Variants in TACR3 observed in about 807,000 individuals in gnomAD.
TACR3 encodes the protein tachykinin receptor 3, also known as neuromedin-K receptor.
TACR3 carries 34 observed loss-of-function variants against 35.0 expected under a neutral mutation model. The ratio of observed to expected loss-of-function variants is 0.97; its 90% confidence interval spans 0.74 to 1.30. The LOEUF (loss-of-function observed/expected upper bound fraction) is 1.30, where lower values mean the gene tolerates loss of function less well. Among genes scored for constraint, TACR3 ranks in the 50% most tolerant of loss-of-function variants. The pLI is 0.00. For synonymous variants in TACR3, 233 were observed against 221.1 expected (o/e 1.05, Z -0.48); for missense variants, 558 against 591.7 (o/e 0.94, Z 0.59).
At chr4:103,704,005 G>A (rs992826261) in intron 1 of TACR3, among the ~76,000 whole-genome samples, 1 of 149,324 alleles carries the variant, frequency 6.7e-6, no homozygotes, top group Non-Finnish European at 1.5e-5. Context: ...GCAGGAGGCT[G>A]AGGCAGGAGA....
chr4:103,705,701 A>T (rs894190792), intron 1 of TACR3, among the ~76,000 whole-genome samples: 1 of 152,166 alleles, frequency 6.6e-6, no homozygotes, highest in African/African-American at 2.4e-5. Context: ...AGAGGAGTAC[A>T]TTTAGCTAAT....
intron 1 of TACR3, among the ~76,000 whole-genome samples, chr4:103,699,615 A>C (rs1193977690): frequency 1.3e-5 from 2 of 152,168 alleles, no homozygotes; most frequent in Non-Finnish European, 2.9e-5. Flanking sequence ...TAGGTGAAAA[A>C]TGATATTGGC....
At chr4:103,649,999 A>G (rs1190425835) in intron 3 of TACR3, among the ~76,000 whole-genome samples, 11 of 152,124 alleles carry the variant, frequency 7.2e-5, no homozygotes, top group Middle Eastern at 3.4e-3. Context: ...GGATTTCTAG[A>G]TATTCAAAAG....
chr4:103,650,811 A>AAC lies in TACR3; in HGVS notation c.888+5382_888+5383insGT, dbSNP rs1560822181. ...ATGATATATATATTTTATATATAAT[A>AAC]ATATATTATATAATAATATATATAT... On this transcript the variant is annotated intron_variant, in intron 3 of 4. Coordinates refer to ENST00000304883, the MANE Select transcript of TACR3 (RefSeq NM_001059.3). Among the ~76,000 whole-genome samples, 2 of 3,958 alleles carry AAC rather than the reference A, an allele frequency of 5.1e-4. 1 individual carries two copies. The highest frequency in any genetic ancestry group is 0.016 in the Admixed American group (2 of 128). The allele number at this position is 3,958 out of a possible 152,430, so 2.6% of individuals were successfully genotyped here.
At chr4:103,696,333 C>T (rs569370795) in intron 1 of TACR3, among the ~76,000 whole-genome samples, 26 of 152,050 alleles carry the variant, frequency 1.7e-4, no homozygotes, top group African/African-American at 5.3e-4. Flanking sequence ...CCCTTACTCT[C>T]AGTTATAAAT....
chr4:103,619,341 C>T (rs777768542), intron 3 of TACR3, among the ~76,000 whole-genome samples: 1 of 152,146 alleles, frequency 6.6e-6, no homozygotes, highest in Non-Finnish European at 1.5e-5. Flanking sequence ...AGACACCTGC[C>T]ACCACGCCTG....
chr4:103,628,936 C>A (rs1724979591), intron 3 of TACR3, among the ~76,000 whole-genome samples: 2 of 152,160 alleles, frequency 1.3e-5, no homozygotes, highest in Non-Finnish European at 2.9e-5. Flanking sequence ...AAAAGCTTAA[C>A]CACCACAATC....
intron 3 of TACR3, among the ~76,000 whole-genome samples, chr4:103,619,039 G>A (rs937098417): frequency 6.6e-6 from 1 of 152,184 alleles, no homozygotes; most frequent in African/African-American, 2.4e-5. Context: ...CATCTGCAAA[G>A]AGAGATAGTT....
In TACR3 at chr4:103,587,303, G is replaced by GAGA. The variant is rs1427897753; in HGVS notation, c.*2378_*2379insTCT. ...TAAATTTTTGAACTTAAAAAATTCT[G>GAGA]CCTATAGGTCTCAGTTTAAGGGCCA... On this transcript the variant is annotated 3_prime_UTR_variant, in exon 5 of 5. Transcript: ENST00000304883. The GAGA allele has an allele frequency of 6.6e-6, 1 of 151,824 alleles. No homozygotes were observed. The highest frequency in any genetic ancestry group is 1.5e-5 in the Non-Finnish European group (1 of 67,950). 9.4% of individuals were successfully genotyped at this position (151,824 alleles called of 1,614,324 possible). A position where few individuals can be genotyped will look rare whatever the true frequency, so the allele number is the denominator to read the frequency against.
intron 1 of TACR3, among the ~76,000 whole-genome samples, chr4:103,683,111 T>C (rs1486463529): frequency 6.6e-6 from 1 of 151,932 alleles, no homozygotes; most frequent in East Asian, 1.9e-4. Context: ...TACCACACAA[T>C]GGATCAAAGA....
intron 1 of TACR3, among the ~76,000 whole-genome samples, chr4:103,661,459 T>G (rs1331369884): frequency 6.6e-6 from 1 of 152,152 alleles, no homozygotes; most frequent in Non-Finnish European, 1.5e-5. Flanking sequence ...CATTATAATC[T>G]TTTGCTTTGT....
At chr4:103,599,783 C>A (rs1045157509) in intron 3 of TACR3, among the ~76,000 whole-genome samples, 3 of 152,178 alleles carry the variant, frequency 2.0e-5, no homozygotes, top group Admixed American at 2.0e-4. Flanking sequence ...GTCGAACCAG[C>A]CTTGCATCCC....
chr4:103,657,871 A>G (rs1292894869), intron 2 of TACR3, among the ~76,000 whole-genome samples: 1 of 152,134 alleles, frequency 6.6e-6, no homozygotes, highest in African/African-American at 2.4e-5. Context: ...AGAGCAATCA[A>G]CACATTTGGG....
At chr4:103,674,584 G>A (rs1047294385) in intron 1 of TACR3, among the ~76,000 whole-genome samples, 3 of 152,088 alleles carry the variant, frequency 2.0e-5, no homozygotes, top group Non-Finnish European at 4.4e-5. Flanking sequence ...ATGGAGTCTC[G>A]CTCTGTCACC....
chr4:103,670,530 T>G (rs1236691380), intron 1 of TACR3, among the ~76,000 whole-genome samples: 1 of 151,990 alleles, frequency 6.6e-6, no homozygotes, highest in African/African-American at 2.4e-5. Context: ...ATCTCTTGCT[T>G]CTTTGGTTAA....
chr4:103,600,419 T>C (rs1053340324), intron 3 of TACR3, among the ~76,000 whole-genome samples: 24 of 152,310 alleles, frequency 1.6e-4, no homozygotes, highest in Non-Finnish European at 2.2e-4. Context: ...AGCTCCTGGA[T>C]TCATTAATCT....
At chr4:103,596,662 G>T (rs1455719316) in intron 3 of TACR3, among the ~76,000 whole-genome samples, 1 of 152,012 alleles carries the variant, frequency 6.6e-6, no homozygotes, top group African/African-American at 2.4e-5. Context: ...GTGCAGGTTT[G>T]TTACATATGG....
At chr4:103,602,669 G>T (rs939653309) in intron 3 of TACR3, among the ~76,000 whole-genome samples, 1 of 152,208 alleles carries the variant, frequency 6.6e-6, no homozygotes, top group Non-Finnish European at 1.5e-5. Flanking sequence ...GACCCTGTTT[G>T]CCTGGGTATC....
intron 1 of TACR3, among the ~76,000 whole-genome samples, chr4:103,707,559 C>T (rs868765130): frequency 5.3e-5 from 8 of 152,164 alleles, no homozygotes; most frequent in African/African-American, 1.9e-4. Flanking sequence ...CTCCAGTCTA[C>T]AGCTCCCAGT....
Sources: allele counts gnomAD v4.1 joint callset (sites outside exome capture counted in the v4.1 genomes callset), GRCh38; gene constraint gnomAD v4.1.1; transcripts MANE v1.5; gene names NCBI Gene and HGNC (gene_info 2026-07-23, HGNC 2026-07-21).